Variants in TAF4B observed in about 807,000 individuals in gnomAD.
TAF4B encodes the protein TATA-box binding protein associated factor 4b.
In TAF4B, 38 loss-of-function variants were observed where a neutral mutation model predicts 86.4. The observed-to-expected ratio is 0.44, with a 90% confidence interval of 0.34 to 0.58. The LOEUF is 0.58. TAF4B is among the 20% of genes least tolerant of loss of function. The probability of loss-of-function intolerance (pLI) is 0.02; values close to 1 mark genes in which losing one functional copy is unlikely to be tolerated. For synonymous variants in TAF4B, 388 were observed against 391.2 expected, an observed-to-expected ratio of 0.99 and a Z score of 0.10; for missense variants, 988 against 1,027.6, an observed-to-expected ratio of 0.96 and a Z score of 0.53.
intron 1 of TAF4B, among the ~76,000 whole-genome samples, chr18:26,227,721 A>G (rs1471280379): frequency 6.6e-6 from 1 of 152,198 alleles, no homozygotes; most frequent in Non-Finnish European, 1.5e-5. Flanking sequence ...TGACACGATC[A>G]TGGCTCACCG....
At chr18:26,365,126 C>T (rs1420670443) in intron 14 of TAF4B, among the ~76,000 whole-genome samples, 1 of 151,624 alleles carries the variant, frequency 6.6e-6, no homozygotes, top group Non-Finnish European at 1.5e-5. Context: ...CCTGCCTCCG[C>T]CTCCCAGGTA....
At chr18:26,267,087 C>T (rs2056250574) in intron 2 of TAF4B, 1 of 152,902 alleles carries the variant, frequency 6.5e-6, no homozygotes, top group Non-Finnish European at 1.5e-5. Context: ...TTCTCTGTTA[C>T]TGTATCTGTC....
intron 10 of TAF4B, among the ~76,000 whole-genome samples, chr18:26,317,423 G>A (rs2056923598): frequency 6.6e-6 from 1 of 152,138 alleles, no homozygotes; most frequent in African/African-American, 2.4e-5. Context: ...ACTTAGGACA[G>A]GGATAAGCAA....
intron 1 of TAF4B, among the ~76,000 whole-genome samples, chr18:26,232,691 C>T (rs866790744): frequency 6.6e-6 from 1 of 152,188 alleles, no homozygotes; most frequent in Non-Finnish European, 1.5e-5. Flanking sequence ...ACACTCTTCC[C>T]CTAAGAAGGT....
chr18:26,368,016 G>A (rs1014879129), intron 14 of TAF4B, among the ~76,000 whole-genome samples: 2 of 152,018 alleles, frequency 1.3e-5, no homozygotes, highest in South Asian at 2.1e-4. Context: ...CCGTTCCTTT[G>A]TGCTCTCTTC....
chr18:26,275,451 C>T (rs562796667), intron 5 of TAF4B, among the ~76,000 whole-genome samples: 5 of 152,216 alleles, frequency 3.3e-5, no homozygotes, highest in African/African-American at 1.2e-4. Context: ...CCACCAAGCC[C>T]GGCCTGAGAT....
intron 5 of TAF4B, among the ~76,000 whole-genome samples, chr18:26,278,939 C>G (rs1483917256): frequency 1.3e-5 from 2 of 151,780 alleles, no homozygotes; most frequent in African/African-American, 4.8e-5. Flanking sequence ...ATTGAATGGG[C>G]AGAAGCTCGA....
chr18:26,386,554 CTT>C (rs34179247), intron 14 of TAF4B, among the ~76,000 whole-genome samples: 4,981 of 152,192 alleles, frequency 0.033, 119 homozygotes, highest in East Asian at 0.049. Context: ...CTCCAGAAAA[CTT>C]CAGTCTCTTT....
intron 14 of TAF4B, among the ~76,000 whole-genome samples, chr18:26,363,189 A>G (rs1202282530): frequency 6.6e-6 from 1 of 151,972 alleles, no homozygotes; most frequent in African/African-American, 2.4e-5. Flanking sequence ...TTTTAGTACA[A>G]TTATTATTTT....
chr18:26,265,728 A>G (rs2056230941), intron 2 of TAF4B, among the ~76,000 whole-genome samples: 1 of 152,058 alleles, frequency 6.6e-6, no homozygotes. Flanking sequence ...TGCCCGACTA[A>G]TTTTATTTTT....
intron 13 of TAF4B, among the ~76,000 whole-genome samples, chr18:26,343,095 A>C (rs998654902): frequency 6.6e-6 from 1 of 152,332 alleles, no homozygotes; most frequent in South Asian, 2.1e-4. Context: ...ATTGGGGAAG[A>C]AGATAAGAAT....
intron 13 of TAF4B, among the ~76,000 whole-genome samples, chr18:26,339,112 A>C (rs1293507659): frequency 6.6e-6 from 1 of 152,162 alleles, no homozygotes; most frequent in Non-Finnish European, 1.5e-5. Flanking sequence ...TTTTATTTTC[A>C]ACTTACGGGC....
At position 26,315,157 on chromosome 18, in the gene TAF4B, T is replaced by TCACACA. The variant is rs1372151453; in HGVS notation, c.1833-71_1833-70insACACAC. The stretch of plus-strand genomic sequence containing the variant: ...CTCTCTCTCTCTCTGTCTCTCTCTC[T>TCACACA]CTCTCACACACACACACACACACAC... On this transcript the variant is annotated intron_variant, in intron 9 of 14. Transcript: ENST00000269142. 604 of 446,220 alleles carry TCACACA rather than the reference T, an allele frequency of 1.4e-3. 11 individuals carry two copies. Among genetic ancestry groups the TCACACA allele is most frequent in the Middle Eastern group, 4.7e-3 (6 of 1,290 alleles). 27.6% of individuals were successfully genotyped at this position (446,220 alleles called of 1,614,324 possible).
chr18:26,292,648 G>A (rs552915650), intron 8 of TAF4B, among the ~76,000 whole-genome samples: 1 of 152,184 alleles, frequency 6.6e-6, no homozygotes, highest in Admixed American at 6.5e-5. Context: ...TCACCCTCCG[G>A]AGTAGCTGGG....
rs1287605131 is a variant in TAF4B, at chr18:26,275,026, T to C, written c.855T>C (p.Asn285=). 2 of 1,611,226 alleles carry C rather than the reference T, an allele frequency of 1.2e-6. No homozygotes were observed. Among genetic ancestry groups the C allele is most frequent in the Non-Finnish European group, 8.5e-7 (1 of 1,179,670 alleles). The change falls in exon 5 of 15, where the codon AAT becomes AAC. Residue 285 remains asparagine (N), a synonymous_variant. Transcript: ENST00000269142. ...SGSQSPEMGQ[N]VKKLVEQLLD... ...CACAGTCCCCAGAAATGGGGCAAAATGTGAAGAAGCTGGTGGAACAACTTT... is the reference window on the plus strand; with the variant it reads ...CACAGTCCCCAGAAATGGGGCAAAACGTGAAGAAGCTGGTGGAACAACTTT...
At chr18:26,262,501 ATC>A (rs1277024505) in intron 1 of TAF4B, among the ~76,000 whole-genome samples, 1 of 148,788 alleles carries the variant, frequency 6.7e-6, no homozygotes, top group African/African-American at 2.5e-5. Flanking sequence ...TTGAGACAGA[ATC>A]TCTCTGTGTT....
chr18:26,356,066 T>C (rs2144731428), intron 13 of TAF4B, among the ~76,000 whole-genome samples: 1 of 152,286 alleles, frequency 6.6e-6, no homozygotes, highest in East Asian at 1.9e-4. Context: ...TTAGACTGGG[T>C]AGCTTATACA....
rs11324227 is a variant in TAF4B, at chr18:26,356,791, GTTT to G, written c.2317-884_2317-882del. Among the ~76,000 whole-genome samples the G allele has an allele frequency of 1.6e-3, 214 of 137,932 alleles. 2 individuals are homozygous for G. The East Asian group carries it at 0.032, about 21-fold the overall frequency. The allele number at this position is 137,932 out of a possible 152,430, so 90.5% of individuals were successfully genotyped here. On this transcript the variant is annotated intron_variant, in intron 13 of 14. Transcript: ENST00000269142. ...TTCTATTTTGACTTTCTCACTTGGTGTTTTTTTTTTTTTTTTTAAACAGAATAC... is the reference window on the plus strand; with the variant it reads ...TTCTATTTTGACTTTCTCACTTGGTGTTTTTTTTTTTTTTAAACAGAATAC...
At chr18:26,255,660 GT>G (rs71169837) in intron 1 of TAF4B, 121 of 1,259,620 alleles carry the variant, frequency 9.6e-5, no homozygotes, top group Non-Finnish European at 1.2e-4. Flanking sequence ...AATTTAGATG[GT>G]TTTTTTTGTT....
Sources: gnomAD v4.1 joint callset for allele counts (sites outside exome capture counted in the v4.1 genomes callset) on GRCh38, gnomAD v4.1.1 for gene constraint, MANE v1.5 for transcripts, NCBI Gene and HGNC (gene_info 2026-07-23, HGNC 2026-07-21) for gene names.